DNER: variants seen among roughly 807,000 people sequenced by gnomAD.
DNER encodes delta/notch like EGF repeat containing, also known as delta and Notch-like epidermal growth factor-related receptor.
Under a neutral mutation model 78.2 loss-of-function variants are expected in DNER, and 33 were observed. The ratio of observed to expected loss-of-function variants is 0.42; its 90% CI spans 0.32 to 0.56. The LOEUF is 0.56. Ranked by LOEUF, DNER falls within the 20% of genes least tolerant of loss-of-function variation. The pLI is 0.11. For synonymous variants in DNER, 417 were observed against 384.8 expected (o/e 1.08, Z -0.98); for missense variants, 918 against 975.3 (o/e 0.94, Z 0.78).
Position 229,506,170 on chromosome 2 carries a change from G to T in DNER, c.1147+6613C>A, listed in dbSNP as rs184270071. ...ATTTATAAAGGAAAGAGGTTTAATT[G>T]ACTCACAGTTCCACAGGGCTGGGGG... On this transcript the variant is annotated intron_variant, in intron 6 of 12. Coordinates refer to ENST00000341772, the MANE Select transcript of DNER (RefSeq NM_139072.4). 2.4e-3 allele frequency among the ~76,000 whole-genome samples: 288 copies of T among 119,606 alleles called. 2 individuals are homozygous for T. The highest frequency in any genetic ancestry group is 0.01 in the African/African-American group (266 of 26,242). The allele number at this position is 119,606 out of a possible 152,430, so 78.5% of individuals were successfully genotyped here.
At chr2:229,427,317 G>C (rs1253587709) in intron 8 of DNER, among the ~76,000 whole-genome samples, 1 of 152,186 alleles carries the variant, frequency 6.6e-6, no homozygotes, top group Admixed American at 6.5e-5. Flanking sequence ...CATGGGGAAG[G>C]TTGGTAATTC....
At chr2:229,428,441 T>G (rs1197675184) in intron 8 of DNER, among the ~76,000 whole-genome samples, 1 of 152,156 alleles carries the variant, frequency 6.6e-6, no homozygotes, top group Non-Finnish European at 1.5e-5. Flanking sequence ...CCTGGCTGTT[T>G]TGTCCAGAGA....
At chr2:229,386,316 T>C (rs190838067) in intron 11 of DNER, among the ~76,000 whole-genome samples, 3 of 152,188 alleles carry the variant, frequency 2.0e-5, no homozygotes, top group African/African-American at 7.2e-5. Flanking sequence ...ATACAAAAAC[T>C]AACTCAAGAT....
intron 3 of DNER, 37 bp downstream of exon 3, chr2:229,588,357 A>C (rs773961914): frequency 4.4e-6 from 7 of 1,597,432 alleles, no homozygotes; most frequent in Non-Finnish European, 6.0e-6. Flanking sequence ...AGGTCATAGC[A>C]TCACTCTTAA....
intron 1 of DNER, among the ~76,000 whole-genome samples, chr2:229,621,631 C>T (rs1698252706): frequency 2.0e-5 from 3 of 151,640 alleles, no homozygotes; most frequent in Non-Finnish European, 4.4e-5. Flanking sequence ...GCCATGCCTA[C>T]TACAATATTT....
chr2:229,358,985 A>C (rs778707013), intron 12 of DNER, among the ~76,000 whole-genome samples: 2 of 152,134 alleles, frequency 1.3e-5, no homozygotes, highest in Non-Finnish European at 2.9e-5. Flanking sequence ...TGAGGCCCAT[A>C]AATATTTGGA....
intron 1 of DNER, among the ~76,000 whole-genome samples, chr2:229,672,564 G>A (rs10186123): frequency 0.24 from 36,101 of 151,074 alleles, 4,425 homozygotes; most frequent in Admixed American, 0.26. Flanking sequence ...AGGAGGAGGA[G>A]GAAGAGGAGA....
chr2:229,503,426 T>C (rs1342608747), intron 6 of DNER, among the ~76,000 whole-genome samples: 1 of 151,646 alleles, frequency 6.6e-6, no homozygotes, highest in African/African-American at 2.4e-5. Flanking sequence ...AAATGACAAA[T>C]GGAAAAAGGA....
chr2:229,359,315 T>C (rs7594321), intron 12 of DNER, among the ~76,000 whole-genome samples: 109,411 of 152,126 alleles, frequency 0.72, 39,992 homozygotes, highest in East Asian at 0.91. Flanking sequence ...GTATCAAAAT[T>C]GCCTCGACAG....
intron 1 of DNER, among the ~76,000 whole-genome samples, chr2:229,621,285 C>G (rs192498534): frequency 1.8e-4 from 28 of 152,328 alleles, no homozygotes; most frequent in Admixed American, 1.6e-3. Flanking sequence ...ATACCGTTGT[C>G]AAAGTAGAAT....
rs374697438 is a variant in DNER, at chr2:229,467,315, CT to C, written c.1261+9824del. On this transcript the variant is annotated intron_variant, in intron 7 of 12. Coordinates refer to ENST00000341772, the MANE Select transcript of DNER (RefSeq NM_139072.4). ...GAGAGGCGTCAGTATCTATCTTCAG[CT>C]GCCTTTTATCATTATGGTATCAGGT... Among the ~76,000 whole-genome samples, 871 of 152,308 alleles carry C rather than the reference CT, an allele frequency of 5.7e-3. 11 individuals carry two copies. Among genetic ancestry groups the C allele is most frequent in the African/African-American group, 0.02 (834 of 41,572 alleles).
At chr2:229,635,422 A>G (rs1028589501) in intron 1 of DNER, among the ~76,000 whole-genome samples, 7 of 151,830 alleles carry the variant, frequency 4.6e-5, no homozygotes, top group African/African-American at 1.7e-4. Context: ...CAAGGGTACA[A>G]AGAGGAAGAG....
At chr2:229,674,528 C>G (rs748486446) in intron 1 of DNER, among the ~76,000 whole-genome samples, 1 of 152,222 alleles carries the variant, frequency 6.6e-6, no homozygotes, top group African/African-American at 2.4e-5. Flanking sequence ...ATCCTCCCCT[C>G]TTGGCCTCCC....
chr2:229,370,144 T>C (rs1378317695), intron 11 of DNER, among the ~76,000 whole-genome samples: 5 of 152,224 alleles, frequency 3.3e-5, no homozygotes, highest in African/African-American at 1.2e-4. Flanking sequence ...CACAATTAGC[T>C]ATTCCTTACC....
chr2:229,489,933 A>G (rs1695362031), intron 6 of DNER, among the ~76,000 whole-genome samples: 1 of 152,132 alleles, frequency 6.6e-6, no homozygotes. Flanking sequence ...GTAGAAAATT[A>G]TGAGTTGAAG....
intron 1 of DNER, among the ~76,000 whole-genome samples, 197 bp from the exon 2 acceptor site, chr2:229,592,085 AG>A (rs1301005736): frequency 6.6e-6 from 1 of 152,192 alleles, no homozygotes; most frequent in Non-Finnish European, 1.5e-5. Flanking sequence ...ACCACAGATA[AG>A]AGGCACCCAG....
intron 5 of DNER, among the ~76,000 whole-genome samples, chr2:229,531,597 T>C (rs983544624): frequency 6.6e-6 from 1 of 152,206 alleles, no homozygotes; most frequent in Admixed American, 6.5e-5. Context: ...AAAAACACTT[T>C]GGTAACTCCT....
chr2:229,700,404 C>T (rs946712261), intron 1 of DNER, among the ~76,000 whole-genome samples: 3 of 147,530 alleles, frequency 2.0e-5, no homozygotes, highest in African/African-American at 7.6e-5. Context: ...GGTGTGATCT[C>T]GGCTCACTGC....
At chr2:229,668,721 C>G (rs1247930166) in intron 1 of DNER, among the ~76,000 whole-genome samples, 1 of 151,250 alleles carries the variant, frequency 6.6e-6, no homozygotes, top group Non-Finnish European at 1.5e-5. Flanking sequence ...CAGGAAACAA[C>G]AGATGCTGGA....
Sources: allele counts gnomAD v4.1 joint callset (sites outside exome capture counted in the v4.1 genomes callset), GRCh38; gene constraint gnomAD v4.1.1; transcripts MANE v1.5; gene names NCBI Gene and HGNC (gene_info 2026-07-23, HGNC 2026-07-21).